Variants in CLASP1 observed in about 807,000 individuals in gnomAD.
CLASP1 encodes the protein CLIP-associating protein 1.
CLASP1 carries 38 observed loss-of-function variants against 192.3 expected under a neutral mutation model. That is an observed-to-expected ratio of 0.20 (90% CI 0.15 to 0.26). The LOEUF (loss-of-function observed/expected upper bound fraction) is 0.26, where lower values mean the gene tolerates loss of function less well. Among genes scored for constraint, CLASP1 ranks in the 10% least tolerant of loss-of-function variants. CLASP1 has a pLI of 1.00. For synonymous variants in CLASP1, 691 were observed against 712.8 expected (o/e 0.97, Z 0.49); for missense variants, 1,433 against 1,932.5 (o/e 0.74, Z 4.85).
chr2:121,554,084 C>T (rs1055479434), intron 2 of CLASP1, among the ~76,000 whole-genome samples: 8 of 150,922 alleles, frequency 5.3e-5, no homozygotes, highest in Admixed American at 2.0e-4. Flanking sequence ...TGTGTGGTGG[C>T]GTGTGCCTGT....
chr2:121,427,434 G>GC lies in CLASP1; in HGVS notation c.2018-5_2018-4insG. 6.2e-7 allele frequency: 1 copy of GC among 1,612,920 alleles called. No homozygotes were observed. Among genetic ancestry groups the GC allele is most frequent in the Non-Finnish European group, 8.5e-7 (1 of 1,179,606 alleles). ...GCAGGATTAGCAGATCTGGATCCTT[G>GC]ATTATGAGAGCAGACCAAAGGACAG... On this transcript the variant is annotated splice_region_variant and splice_polypyrimidine_tract_variant and intron_variant, in intron 20 of 39. Coordinates refer to ENST00000263710, the Ensembl canonical transcript of CLASP1.
intron 1 of CLASP1, among the ~76,000 whole-genome samples, chr2:121,610,201 G>A (rs1429802282): frequency 1.3e-5 from 2 of 152,218 alleles, no homozygotes; most frequent in Non-Finnish European, 2.9e-5. Flanking sequence ...GTTACAGGAG[G>A]AAGAGGAGCT....
intron 2 of CLASP1, among the ~76,000 whole-genome samples, chr2:121,584,772 C>A (rs1014519556): frequency 9.9e-5 from 15 of 152,134 alleles, no homozygotes. Context: ...GCCAATGCAC[C>A]CTCAACTAAT....
chr2:121,534,647 C>A (rs922267115), intron 2 of CLASP1, among the ~76,000 whole-genome samples: 1 of 148,008 alleles, frequency 6.8e-6, no homozygotes, highest in Non-Finnish European at 1.5e-5. Flanking sequence ...AAGAGATTCT[C>A]GTGCTTCAGC....
At chr2:121,473,166 C>T (rs2091055215) in intron 8 of CLASP1, among the ~76,000 whole-genome samples, 1 of 137,566 alleles carries the variant, frequency 7.3e-6, no homozygotes, top group African/African-American at 3.6e-5. Flanking sequence ...AAATAGTAAA[C>T]TTCTGAGAAA....
At chr2:121,612,487 C>A (rs2065784185) in intron 1 of CLASP1, among the ~76,000 whole-genome samples, 1 of 145,480 alleles carries the variant, frequency 6.9e-6, no homozygotes, top group African/African-American at 2.5e-5. Context: ...ATTAGAAAAG[C>A]TGGAGAGGGA....
chr2:121,391,056 G>A (rs1217078266), intron 30 of CLASP1, among the ~76,000 whole-genome samples: 1 of 152,062 alleles, frequency 6.6e-6, no homozygotes, highest in Non-Finnish European at 1.5e-5. Flanking sequence ...TCACTGAGAA[G>A]GTAGTTAATC....
At chr2:121,597,483 T>C (rs1320175207) in intron 2 of CLASP1, among the ~76,000 whole-genome samples, 1 of 152,200 alleles carries the variant, frequency 6.6e-6, no homozygotes, top group Non-Finnish European at 1.5e-5. Context: ...TGTGTGTGTG[T>C]ATGTGTAATA....
intron 8 of CLASP1, among the ~76,000 whole-genome samples, chr2:121,479,516 CAG>C (rs2092412180): frequency 1.3e-5 from 2 of 152,300 alleles, no homozygotes; most frequent in Admixed American, 1.3e-4. Flanking sequence ...GTTCATATAT[CAG>C]AGGAATTTTT....
At chr2:121,349,569 T>C (rs1489513508) in intron 37 of CLASP1, among the ~76,000 whole-genome samples, 1 of 152,210 alleles carries the variant, frequency 6.6e-6, no homozygotes, top group Admixed American at 6.5e-5. Context: ...ACTTCAATGC[T>C]GGCACTTCCT....
At chr2:121,454,293 A>G (rs1411596371) in intron 14 of CLASP1, among the ~76,000 whole-genome samples, 1 of 152,096 alleles carries the variant, frequency 6.6e-6, no homozygotes, top group Non-Finnish European at 1.5e-5. Context: ...CCCTATAAGA[A>G]GAGATAACAG....
Position 121,569,585 on chromosome 2 carries a change from G to A in CLASP1, c.195+36116C>T, listed in dbSNP as rs542585942. 2.0e-3 allele frequency among the ~76,000 whole-genome samples: 303 copies of A among 152,328 alleles called. 1 individual carries two copies. Among genetic ancestry groups the A allele is most frequent in the African/African-American group, 5.9e-3 (244 of 41,566 alleles). Reference sequence around the variant, plus strand: ...AGATTTCTTACGGCCGGACGTGGTGGCTCACACCTGTAATCCCAGCACTTT... The same window carrying A: ...AGATTTCTTACGGCCGGACGTGGTGACTCACACCTGTAATCCCAGCACTTT... On this transcript the variant is annotated intron_variant, in intron 2 of 39. Transcript: ENST00000263710.
At chr2:121,562,855 C>T (rs947155304) in intron 2 of CLASP1, among the ~76,000 whole-genome samples, 5 of 152,180 alleles carry the variant, frequency 3.3e-5, no homozygotes. Flanking sequence ...GGCTTCAGTT[C>T]CTCCATCTGT....
chr2:121,633,350 T>C (rs2070169042), intron 1 of CLASP1, among the ~76,000 whole-genome samples: 1 of 152,062 alleles, frequency 6.6e-6, no homozygotes, highest in Admixed American at 6.6e-5. Context: ...AATAAACTTG[T>C]AACTGCAATT....
At chr2:121,608,953 C>T (rs1054517792) in intron 1 of CLASP1, among the ~76,000 whole-genome samples, 1 of 152,170 alleles carries the variant, frequency 6.6e-6, no homozygotes, top group Non-Finnish European at 1.5e-5. Flanking sequence ...TTATATAATA[C>T]TATCTCTAAT....
At position 121,449,247 on chromosome 2, in the gene CLASP1, G is replaced by C. The variant is rs1393516180; in HGVS notation, c.1524-127C>G. 8 of 722,322 alleles carry C rather than the reference G, an allele frequency of 1.1e-5. No individual in the cohort carries two copies. In the Admixed American group the frequency reaches 1.8e-4, roughly 16 times the overall value. The allele number at this position is 722,322 out of a possible 1,614,324, so 44.7% of individuals were successfully genotyped here. ...TCAGTTTAGCCGCTAATAGTAGCAGGAGGAGAGGGTAAACAAAGGAGACCT... is the reference window on the plus strand; with the variant it reads ...TCAGTTTAGCCGCTAATAGTAGCAGCAGGAGAGGGTAAACAAAGGAGACCT... On this transcript the variant is annotated intron_variant, in intron 16 of 39. Coordinates refer to ENST00000263710, the Ensembl canonical transcript of CLASP1.
chr2:121,610,318 G>C lies in CLASP1; in HGVS notation c.-285-4138C>G, dbSNP rs187592567. Among the ~76,000 whole-genome samples the C allele has an allele frequency of 2.0e-5, 3 of 151,100 alleles. No individual in the cohort carries two copies. In the East Asian group the frequency reaches 5.9e-4, roughly 30 times the overall value. On this transcript the variant is annotated intron_variant, in intron 1 of 39. Coordinates refer to ENST00000263710, the Ensembl canonical transcript of CLASP1. The stretch of plus-strand genomic sequence containing the variant: ...GGAGTTATGAGAGGAAGAGGAACTG[G>C]AGGAGGAGGAGTTATAGGAGGAAGA...
chr2:121,479,927 T>C (rs925993278), intron 8 of CLASP1, among the ~76,000 whole-genome samples: 4 of 152,212 alleles, frequency 2.6e-5, no homozygotes, highest in Non-Finnish European at 5.9e-5. Context: ...AATGGCATAA[T>C]AGAAGCTCTG....
intron 8 of CLASP1, among the ~76,000 whole-genome samples, chr2:121,489,790 A>C (rs1462086747): frequency 6.6e-6 from 1 of 152,126 alleles, no homozygotes; most frequent in Non-Finnish European, 1.5e-5. Flanking sequence ...TTTAAAGGGG[A>C]AAAAAATAAA....
Sources: gnomAD v4.1 joint callset for allele counts (sites outside exome capture counted in the v4.1 genomes callset) on GRCh38, gnomAD v4.1.1 for gene constraint, MANE v1.5 for transcripts, NCBI Gene and HGNC (gene_info 2026-07-23, HGNC 2026-07-21) for gene names.